The following C4BPA variants were observed in gnomAD, a reference collection of about 807,000 sequenced individuals.
The protein encoded by C4BPA is complement component 4 binding protein alpha.
Under a neutral mutation model 63.7 loss-of-function variants are expected in C4BPA, and 31 were observed. The ratio of observed to expected loss-of-function variants is 0.49; its 90% CI spans 0.37 to 0.66. C4BPA has a LOEUF of 0.66. Ranked by LOEUF, C4BPA falls within the 30% of genes least tolerant of loss-of-function variation. The probability of loss-of-function intolerance (pLI) is 0.00; values close to 1 mark genes in which losing one functional copy is unlikely to be tolerated. For synonymous variants in C4BPA, 259 were observed against 254.7 expected (o/e 1.02, Z -0.16); for missense variants, 572 against 723.3 (o/e 0.79, Z 2.40).
intron 3 of C4BPA, 136 bp from the exon 4 acceptor site, chr1:207,115,280 G>T (rs1684760976): frequency 1.8e-6 from 1 of 554,742 alleles, no homozygotes; most frequent in African/African-American, 2.0e-5. Context: ...GTGAGTCAGG[G>T]TTAGAAATAA....
intron 1 of C4BPA, among the ~76,000 whole-genome samples, chr1:207,105,153 A>G (rs547070340): frequency 1.1e-4 from 17 of 152,368 alleles, no homozygotes; most frequent in African/African-American, 1.7e-4. Context: ...TAACACCAAA[A>G]GAATAAAAAG....
intron 9 of C4BPA, among the ~76,000 whole-genome samples, 168 bp downstream of exon 9, chr1:207,134,760 G>A (rs1193807570): frequency 1.3e-5 from 2 of 152,010 alleles, no homozygotes; most frequent in African/African-American, 2.4e-5. Context: ...CTTTCTTTTG[G>A]CCTCTTCAGT....
intron 10 of C4BPA, among the ~76,000 whole-genome samples, chr1:207,143,304 G>A (rs1685460834): frequency 6.6e-6 from 1 of 151,776 alleles, no homozygotes; most frequent in Non-Finnish European, 1.5e-5. Flanking sequence ...ATGGACACAG[G>A]GAGGGGAACA....
At chr1:207,127,181 T>C (rs189962081) in intron 7 of C4BPA, 1 of 213,316 alleles carries the variant, frequency 4.7e-6, no homozygotes, top group African/African-American at 2.3e-5. Flanking sequence ...TGTATATTTA[T>C]TTCAATAATT....
In C4BPA at chr1:207,144,565, C is replaced by A; in HGVS notation, c.1642C>A (p.Gln548Lys). The change falls in exon 12 of 12, where the codon CAA becomes AAA. Residue 548 changes from glutamine (Q) to lysine (K), a missense_variant. Physicochemically the swap from Gln to Lys is moderately conservative, Grantham distance 53 (BLOSUM62 1). Around this residue, in one of 2 missense-constraint regions of C4BPA, gnomAD observed 465 missense variants for 629.4 expected, o/e 0.74. Coordinates refer to ENST00000367070, the MANE Select transcript of C4BPA (RefSeq NM_000715.4). ...TTAGGAGACCCCCGAAGGCTGTGAACAAGTGCTCACAGGCAAAAGACTCAT... is the reference window on the plus strand; with the variant it reads ...TTAGGAGACCCCCGAAGGCTGTGAAAAAGTGCTCACAGGCAAAAGACTCAT... Reference protein sequence around the residue: ...CEWETPEGCEQVLTGKRLMQC... With the variant: ...CEWETPEGCEKVLTGKRLMQC... 2 of 1,611,660 alleles carry A rather than the reference C, an allele frequency of 1.2e-6. No individual in the cohort carries two copies. The highest frequency in any genetic ancestry group is 1.1e-5 in the South Asian group (1 of 90,838).
chr1:207,137,418 T>C (rs1170151758), intron 9 of C4BPA, among the ~76,000 whole-genome samples: 4 of 152,198 alleles, frequency 2.6e-5, no homozygotes, highest in African/African-American at 4.8e-5. Flanking sequence ...ACATAATACA[T>C]GTAAGATTTA....
rs755027238 is a variant in C4BPA, at chr1:207,119,262, G to C, written c.428+3747G>C. On this transcript the variant is annotated intron_variant, in intron 4 of 11. Coordinates refer to ENST00000367070, the MANE Select transcript of C4BPA (RefSeq NM_000715.4). ...TGAGCCCTCTACTAACAAAGTGATA[G>C]AACAGAGAAACAACAGTGCTTGTGA... is the stretch of plus-strand genomic sequence containing the variant. Among the ~76,000 whole-genome samples, 8 of 92,534 alleles carry C rather than the reference G, an allele frequency of 8.6e-5. 2 individuals are homozygous for C. Among genetic ancestry groups the C allele is most frequent in the African/African-American group, 1.2e-4 (4 of 33,128 alleles). 60.7% of individuals were successfully genotyped at this position (92,534 alleles called of 152,430 possible). A position where few individuals can be genotyped will look rare whatever the true frequency, so the allele number is the denominator to read the frequency against.
Position 207,143,874 on chromosome 1 carries a change from T to C in C4BPA, c.1501T>C (p.Tyr501His). Residue 501 changes from tyrosine (Y) to histidine (H), a missense_variant, in exon 11 of 12, where the codon TAT becomes CAT. Physicochemically the swap from Tyr to His is moderately conservative, Grantham distance 83 (BLOSUM62 2). Around this residue, in one of 2 missense-constraint regions of C4BPA, gnomAD observed 465 missense variants for 629.4 expected, o/e 0.74. Coordinates refer to ENST00000367070, the MANE Select transcript of C4BPA (RefSeq NM_000715.4). ...NGRLSVDKDQ[Y>H]VEPENVTIQC... ...AAGGTTGTCTGTGGATAAGGATCAG[T>C]ATGTTGAGCCTGAAAATGTCACCAT... 1 of 1,613,312 alleles carries C rather than the reference T, an allele frequency of 6.2e-7. No individual in the cohort carries two copies. Among genetic ancestry groups the C allele is most frequent in the Non-Finnish European group, 8.5e-7 (1 of 1,179,396 alleles).
intron 9 of C4BPA, among the ~76,000 whole-genome samples, chr1:207,139,970 A>T (rs1685378187): frequency 6.6e-6 from 1 of 152,204 alleles, no homozygotes; most frequent in Non-Finnish European, 1.5e-5. Context: ...TGGTACAAAT[A>T]AAGTGTATAT....
intron 11 of C4BPA, among the ~76,000 whole-genome samples, 175 bp from the exon 12 acceptor site, chr1:207,144,369 G>C (rs370353086): frequency 6.6e-6 from 1 of 152,260 alleles, no homozygotes; most frequent in South Asian, 2.1e-4. Context: ...ACAGATCCAT[G>C]TTCCCCTGGG....
At chr1:207,134,056 C>A (rs1030117757) in intron 8 of C4BPA, among the ~76,000 whole-genome samples, 1 of 151,986 alleles carries the variant, frequency 6.6e-6, no homozygotes, top group Non-Finnish European at 1.5e-5. Context: ...CTCTGTTGCC[C>A]AGGCTGGTCT....
In C4BPA at chr1:207,119,750, G is replaced by C. The variant is rs1173809677; in HGVS notation, c.429-4172G>C. ...AGGGGTAAAAAGAAACACAATTAAT[G>C]TAATGTCCATTTATATTAAAATAAG... On this transcript the variant is annotated intron_variant, in intron 4 of 11. Transcript: ENST00000367070. Among the ~76,000 whole-genome samples the C allele has an allele frequency of 2.1e-5, 2 of 94,708 alleles. 1 individual carries two copies. The highest frequency in any genetic ancestry group is 5.9e-5 in the African/African-American group (2 of 33,780). 62.1% of individuals were successfully genotyped at this position (94,708 alleles called of 152,430 possible).
intron 3 of C4BPA, 102 bp from the exon 4 acceptor site, chr1:207,115,314 T>C (rs1684761280): frequency 1.6e-6 from 1 of 633,988 alleles, no homozygotes; most frequent in Non-Finnish European, 2.7e-6. Context: ...TCTCTCTGTG[T>C]TTCTGGAAGC....
chr1:207,121,824 G>A (rs1258259806), intron 4 of C4BPA, among the ~76,000 whole-genome samples: 1 of 151,890 alleles, frequency 6.6e-6, no homozygotes, highest in Non-Finnish European at 1.5e-5. Context: ...AACTTATCTT[G>A]TATTCTTACC....
chr1:207,144,456 T>C, intron 11 of C4BPA, 88 bp from the exon 12 acceptor site: 3 of 1,248,140 alleles, frequency 2.4e-6, no homozygotes, highest in Non-Finnish European at 3.3e-6. Context: ...CTTGGTTCAA[T>C]CCTGTAGTCC....
chr1:207,143,763 A>T, intron 10 of C4BPA, 55 bp from the exon 11 acceptor site: 2 of 1,228,808 alleles, frequency 1.6e-6, no homozygotes, highest in South Asian at 1.2e-5. Context: ...CGAGACTGTT[A>T]TCATGTCCTT....
At chr1:207,108,911 C>T (rs976537469) in intron 1 of C4BPA, among the ~76,000 whole-genome samples, 3 of 151,856 alleles carry the variant, frequency 2.0e-5, no homozygotes, top group South Asian at 4.1e-4. Flanking sequence ...TTAGTAGAGA[C>T]GGGGTTTCAC....
chr1:207,121,619 G>T (rs1684923523), intron 4 of C4BPA, among the ~76,000 whole-genome samples: 1 of 151,690 alleles, frequency 6.6e-6, no homozygotes, highest in Admixed American at 6.6e-5. Flanking sequence ...TATAGACTTG[G>T]TTTTATCATA....
At chr1:207,137,785 T>C (rs918187567) in intron 9 of C4BPA, among the ~76,000 whole-genome samples, 1 of 152,048 alleles carries the variant, frequency 6.6e-6, no homozygotes, top group Non-Finnish European at 1.5e-5. Context: ...GCCCAGCTAA[T>C]TTTTGTATTT....
Sources: allele counts gnomAD v4.1 joint callset (sites outside exome capture counted in the v4.1 genomes callset), GRCh38; gene constraint gnomAD v4.1.1; regional missense constraint gnomAD v4.1.1; transcripts MANE v1.5; gene names NCBI Gene and HGNC (gene_info 2026-07-23, HGNC 2026-07-21).